UBE2G1: variants seen among roughly 807,000 people sequenced by gnomAD.
UBE2G1 encodes the protein ubiquitin conjugating enzyme E2 G1, also known as ubiquitin-conjugating enzyme E2 G1.
UBE2G1 carries 5 observed loss-of-function variants against 22.7 expected under a neutral mutation model. That is an observed-to-expected ratio of 0.22 (90% CI 0.12 to 0.46). UBE2G1 has a LOEUF of 0.46. Ranked by LOEUF, UBE2G1 falls within the 20% of genes least tolerant of loss-of-function variation. The probability of loss-of-function intolerance (pLI) is 0.99; values close to 1 mark genes in which losing one functional copy is unlikely to be tolerated. For synonymous variants in UBE2G1, 74 were observed against 67.5 expected (o/e 1.10, Z -0.47); for missense variants, 88 against 203.9 (o/e 0.43, Z 3.46).
chr17:4,331,214 T>C (rs569177329), intron 1 of UBE2G1, among the ~76,000 whole-genome samples: 1 of 152,262 alleles, frequency 6.6e-6, no homozygotes, highest in Admixed American at 6.5e-5. Flanking sequence ...ACCTCAAAAA[T>C]ATTTATTTTC....
chr17:4,335,029 C>T (rs6502779), intron 1 of UBE2G1, among the ~76,000 whole-genome samples: 68,407 of 151,856 alleles, frequency 0.45, 18,557 homozygotes, highest in African/African-American at 0.77. Flanking sequence ...TCAAGAAAAT[C>T]ACATCGAGCA....
intron 2 of UBE2G1, among the ~76,000 whole-genome samples, chr17:4,298,279 T>C (rs933226680): frequency 6.6e-6 from 1 of 151,996 alleles, no homozygotes; most frequent in African/African-American, 2.4e-5. Context: ...AGAGCTGTGA[T>C]TGCACCACTG....
chr17:4,365,024 C>T (rs1029284222), intron 1 of UBE2G1, among the ~76,000 whole-genome samples: 1 of 152,188 alleles, frequency 6.6e-6, no homozygotes, highest in East Asian at 1.9e-4. Flanking sequence ...AATAATAAAC[C>T]CAATTATACA....
chr17:4,310,710 G>A (rs17764251), intron 1 of UBE2G1, among the ~76,000 whole-genome samples: 59,511 of 151,908 alleles, frequency 0.39, 14,335 homozygotes, highest in East Asian at 0.75. Flanking sequence ...ATTTACATTT[G>A]CAAAAACCAA....
intron 1 of UBE2G1, among the ~76,000 whole-genome samples, chr17:4,352,190 A>G (rs1012925503): frequency 1.3e-5 from 2 of 152,212 alleles, no homozygotes; most frequent in Non-Finnish European, 2.9e-5. Flanking sequence ...GGATCATCGT[A>G]TCAACATTAA....
rs747368558 is a variant in UBE2G1, at chr17:4,270,940, C to T, written c.*1614G>A. 1.1e-4 allele frequency: 17 copies of T among 152,152 alleles called. No homozygotes were observed. The highest frequency in any genetic ancestry group is 2.2e-4 in the Non-Finnish European group (15 of 68,030). The allele number at this position is 152,152 out of a possible 1,614,324, so 9.4% of individuals were successfully genotyped here. A position where few individuals can be genotyped will look rare whatever the true frequency, so the allele number is the denominator to read the frequency against. On this transcript the variant is annotated 3_prime_UTR_variant, in exon 6 of 6. Coordinates refer to ENST00000396981, the MANE Select transcript of UBE2G1 (RefSeq NM_003342.5). Reference sequence around the variant, plus strand: ...TCTTCTGCCAAAGCATTTCTCCAAACCCCACAGAGCAGAGATGCACGAATT... The same window carrying T: ...TCTTCTGCCAAAGCATTTCTCCAAATCCCACAGAGCAGAGATGCACGAATT...
intron 3 of UBE2G1, among the ~76,000 whole-genome samples, chr17:4,293,946 T>C (rs889492421): frequency 6.6e-6 from 1 of 152,206 alleles, no homozygotes; most frequent in Non-Finnish European, 1.5e-5. Context: ...CTTCCAATCT[T>C]CTATGAGTGT....
intron 1 of UBE2G1, among the ~76,000 whole-genome samples, chr17:4,355,784 T>A (rs1969899490): frequency 7.2e-6 from 1 of 138,642 alleles, no homozygotes; most frequent in South Asian, 2.6e-4. Flanking sequence ...CGCTGCAACC[T>A]CCACCTCGCG....
intron 5 of UBE2G1, among the ~76,000 whole-genome samples, chr17:4,278,958 A>G (rs1472036744): frequency 6.6e-6 from 1 of 152,104 alleles, no homozygotes; most frequent in Non-Finnish European, 1.5e-5. Flanking sequence ...AAATTAAGAT[A>G]AACAAGCCAA....
chr17:4,361,281 C>G (rs934326579), intron 1 of UBE2G1, among the ~76,000 whole-genome samples: 9 of 151,354 alleles, frequency 5.9e-5, no homozygotes, highest in Non-Finnish European at 1.2e-4. Context: ...AATCCCAGCA[C>G]TTTGGGAGGC....
chr17:4,301,671 T>A, intron 2 of UBE2G1: 2 of 747,654 alleles, frequency 2.7e-6, no homozygotes, highest in South Asian at 2.7e-5. Context: ...GGTTGTTTTG[T>A]TCTGGGTGGA....
intron 3 of UBE2G1, among the ~76,000 whole-genome samples, chr17:4,292,017 T>C (rs1598182535): frequency 6.6e-6 from 1 of 152,066 alleles, no homozygotes; most frequent in African/African-American, 2.4e-5. Flanking sequence ...TCATTAGAGA[T>C]GAAACTAAGC....
At chr17:4,319,965 T>TTA (rs566358061) in intron 1 of UBE2G1, among the ~76,000 whole-genome samples, 110 of 151,606 alleles carry the variant, frequency 7.3e-4, no homozygotes, top group African/African-American at 1.1e-3. Context: ...CTATAAGCTT[T>TTA]TATATATATA....
intron 1 of UBE2G1, among the ~76,000 whole-genome samples, chr17:4,348,552 CAAAA>C (rs777127524): frequency 3.1e-5 from 2 of 64,248 alleles, no homozygotes; most frequent in Admixed American, 1.8e-4. Context: ...GACTCCGTCT[CAAAA>C]AAAAAAAAAA....
At chr17:4,319,075 T>C (rs1049203351) in intron 1 of UBE2G1, among the ~76,000 whole-genome samples, 3 of 152,138 alleles carry the variant, frequency 2.0e-5, no homozygotes, top group Admixed American at 6.5e-5. Context: ...ATAGTTATTT[T>C]TAAAGAGTAA....
At chr17:4,360,319 CTTAA>C (rs1473923140) in intron 1 of UBE2G1, among the ~76,000 whole-genome samples, 9 of 152,122 alleles carry the variant, frequency 5.9e-5, no homozygotes, top group Admixed American at 1.3e-4. Flanking sequence ...TAAAAGAGTG[CTTAA>C]TTAATACTTT....
At chr17:4,353,956 T>G (rs541033225) in intron 1 of UBE2G1, among the ~76,000 whole-genome samples, 1 of 151,978 alleles carries the variant, frequency 6.6e-6, no homozygotes, top group East Asian at 1.9e-4. Flanking sequence ...GTGCTGGGAT[T>G]ACAGGTGTGA....
At chr17:4,362,929 C>A (rs1185941686) in intron 1 of UBE2G1, among the ~76,000 whole-genome samples, 1 of 152,048 alleles carries the variant, frequency 6.6e-6, no homozygotes, top group Non-Finnish European at 1.5e-5. Flanking sequence ...TCGAGACCAG[C>A]CTGGCCAACA....
At chr17:4,355,284 T>C (rs1969893295) in intron 1 of UBE2G1, among the ~76,000 whole-genome samples, 1 of 148,602 alleles carries the variant, frequency 6.7e-6, no homozygotes, top group Non-Finnish European at 1.5e-5. Flanking sequence ...ATTACAGGCG[T>C]GAGTCACTCT....
Sources: allele counts gnomAD v4.1 joint callset (sites outside exome capture counted in the v4.1 genomes callset), GRCh38; gene constraint gnomAD v4.1.1; transcripts MANE v1.5; gene names NCBI Gene and HGNC (gene_info 2026-07-23, HGNC 2026-07-21).